Variants in FBXL2 observed in about 807,000 individuals in gnomAD.
FBXL2 encodes the protein F-box and leucine rich repeat protein 2, also known as F-box/LRR-repeat protein 2.
Under a neutral mutation model 69.2 loss-of-function variants are expected in FBXL2, and 38 were observed. The ratio of observed to expected loss-of-function variants is 0.55; its 90% CI spans 0.42 to 0.72. The LOEUF (loss-of-function observed/expected upper bound fraction) is 0.72. Ranked by LOEUF, FBXL2 falls within the 30% of genes least tolerant of loss-of-function variation. The probability of loss-of-function intolerance (pLI) is 0.00; values close to 1 mark genes in which losing one functional copy is unlikely to be tolerated. For missense variants in FBXL2, 354 were observed against 520.3 expected (o/e 0.68, Z 3.11); for synonymous variants, 192 against 201.3 (o/e 0.95, Z 0.39).
intron 4 of FBXL2, among the ~76,000 whole-genome samples, chr3:33,362,432 T>C (rs2041688271): frequency 6.6e-6 from 1 of 152,230 alleles, no homozygotes; most frequent in Non-Finnish European, 1.5e-5. Context: ...TATTGTCTAG[T>C]AGATAAGACA....
upstream of FBXL2, chr3:33,277,111 A>T: frequency 1.7e-5 from 3 of 179,758 alleles, no homozygotes; most frequent in East Asian, 1.4e-4. Flanking sequence ...GTGTCGTTTT[A>T]TCCTTTTAAA....
chr3:33,314,221 ACAAT>A (rs2037466961), intron 2 of FBXL2, among the ~76,000 whole-genome samples: 2 of 152,166 alleles, frequency 1.3e-5, no homozygotes, highest in Admixed American at 1.3e-4. Flanking sequence ...AATGATTACC[ACAAT>A]CAAAATGACA....
intron 2 of FBXL2, among the ~76,000 whole-genome samples, chr3:33,333,410 A>C (rs1241607992): frequency 6.6e-6 from 1 of 152,220 alleles, no homozygotes; most frequent in Non-Finnish European, 1.5e-5. Context: ...GACTTTAGAA[A>C]TATTAACATA....
chr3:33,384,459 G>A (rs2043276228), intron 14 of FBXL2, among the ~76,000 whole-genome samples: 1 of 152,164 alleles, frequency 6.6e-6, no homozygotes, highest in Non-Finnish European at 1.5e-5. Context: ...TACTCGGGAG[G>A]CTGAGGCAGG....
At chr3:33,409,527 A>C in the FBXL2 span, 1 of 1,614,164 alleles carries the variant, frequency 6.2e-7, no homozygotes, top group East Asian at 2.2e-5. Flanking sequence ...TAAAGGTGTC[A>C]ACCTGGATCC....
chr3:33,375,755 G>C (rs1184036560), intron 10 of FBXL2, among the ~76,000 whole-genome samples: 1 of 152,104 alleles, frequency 6.6e-6, no homozygotes, highest in Admixed American at 6.5e-5. Flanking sequence ...ACATCCAAAG[G>C]ACATGAGCTT....
intron 1 of FBXL2, among the ~76,000 whole-genome samples, chr3:33,285,083 A>G (rs2034462353): frequency 1.3e-5 from 2 of 152,184 alleles, no homozygotes; most frequent in African/African-American, 4.8e-5. Context: ...TTGTGTCATT[A>G]TGATGTTAGC....
At chr3:33,404,521 C>A (rs1393751898), downstream of FBXL2, among the ~76,000 whole-genome samples, 1 of 151,248 alleles carries the variant, frequency 6.6e-6, no homozygotes, top group Non-Finnish European at 1.5e-5. Flanking sequence ...GTGGAGCACA[C>A]CTGTAGTCAC....
chr3:33,277,325 G>A (rs2033369933), upstream of FBXL2: 3 of 444,496 alleles, frequency 6.7e-6, no homozygotes, highest in Non-Finnish European at 1.1e-5. Context: ...CAGTTCCAGG[G>A]CCGGGGGCGA....
At chr3:33,362,028 C>T (rs537859997) in intron 4 of FBXL2, among the ~76,000 whole-genome samples, 1 of 152,176 alleles carries the variant, frequency 6.6e-6, no homozygotes, top group Non-Finnish European at 1.5e-5. Context: ...ATTAAAGAAA[C>T]TGAGGCAAAG....
intron 2 of FBXL2, among the ~76,000 whole-genome samples, chr3:33,347,035 C>T (rs774334172): frequency 4.6e-5 from 7 of 152,146 alleles, no homozygotes; most frequent in East Asian, 1.9e-4. Flanking sequence ...CTCTGTTGTG[C>T]TATCAAATAC....
At chr3:33,351,990 G>GGAGAAGAACT in intron 2 of FBXL2, among the ~76,000 whole-genome samples, 1 of 151,434 alleles carries the variant, frequency 6.6e-6, no homozygotes, top group South Asian at 2.1e-4. Context: ...AAGTTAATAT[G>GGAGAAGAACT]GAGAAGCCAA....
chr3:33,355,254 A>C (rs2041117458), intron 2 of FBXL2, among the ~76,000 whole-genome samples: 1 of 152,148 alleles, frequency 6.6e-6, no homozygotes, highest in South Asian at 2.1e-4. Context: ...TTTAATAAGA[A>C]CGTCAAATAA....
chr3:33,375,979 A>ACACC (rs1383811719), intron 10 of FBXL2, among the ~76,000 whole-genome samples: 1 of 152,130 alleles, frequency 6.6e-6, no homozygotes, highest in East Asian at 1.9e-4. Context: ...CAACATGGTG[A>ACACC]CACCTCGTCT....
chr3:33,280,146 T>C (rs1293920317), intron 1 of FBXL2, among the ~76,000 whole-genome samples: 29 of 152,188 alleles, frequency 1.9e-4, no homozygotes, highest in Admixed American at 1.7e-3. Context: ...TCTTTCTTCT[T>C]TCCTTCTTTC....
rs1386286447 is a variant in FBXL2, at chr3:33,401,074, T to C, written n.1215-2160T>C. The C allele has an allele frequency of 4.0e-6, 6 of 1,482,520 alleles. No homozygotes were observed. The Admixed American group carries it at 1.4e-4, about 34-fold the overall frequency. The allele number at this position is 1,482,520 out of a possible 1,614,324, so 91.8% of individuals were successfully genotyped here. A position where few individuals can be genotyped will look rare whatever the true frequency, so the allele number is the denominator to read the frequency against. On this transcript the variant is annotated intron_variant and non_coding_transcript_variant, in intron 12 of 12. Coordinates refer to the FBXL2 transcript ENST00000463736. Reference sequence around the variant, plus strand: ...TTTTTATAATACATATATGTTTTAATCAAGGCATTAAAAGCTGTTGCATTG... The same window carrying C: ...TTTTTATAATACATATATGTTTTAACCAAGGCATTAAAAGCTGTTGCATTG...
downstream of FBXL2, chr3:33,389,976 T>G (rs2043692952): frequency 4.6e-6 from 1 of 219,402 alleles, no homozygotes; most frequent in Non-Finnish European, 9.1e-6. Flanking sequence ...ATGCCCACAG[T>G]AAGTTTCTAC....
At chr3:33,368,845 C>T (rs919673765) in intron 5 of FBXL2, among the ~76,000 whole-genome samples, 6 of 152,176 alleles carry the variant, frequency 3.9e-5, no homozygotes, top group African/African-American at 1.2e-4. Flanking sequence ...CTTGGCCTCC[C>T]AAAGTGCTGG....
chr3:33,415,842 C>G, the FBXL2 span, among the ~76,000 whole-genome samples: 3 of 152,108 alleles, frequency 2.0e-5, no homozygotes, highest in South Asian at 2.1e-4. Flanking sequence ...TCAAGAAGTT[C>G]CAAAGCACCT....
Sources: gnomAD v4.1 joint callset for allele counts (sites outside exome capture counted in the v4.1 genomes callset) on GRCh38, gnomAD v4.1.1 for gene constraint, MANE v1.5 for transcripts, NCBI Gene and HGNC (gene_info 2026-07-23, HGNC 2026-07-21) for gene names.